Variants in EIF2S1 observed in about 807,000 individuals in gnomAD.
The protein encoded by EIF2S1 is eukaryotic translation initiation factor 2 subunit 1.
In EIF2S1, 5 loss-of-function variants were observed where a neutral mutation model predicts 33.5. The observed-to-expected ratio is 0.15, with a 90% confidence interval of 0.08 to 0.31. EIF2S1 has a LOEUF of 0.31. Among genes scored for constraint, EIF2S1 ranks in the 10% least tolerant of loss-of-function variants. The pLI, the probability that EIF2S1 is intolerant of heterozygous loss-of-function variation, is 1.00. For missense variants in EIF2S1, 191 were observed against 384.6 expected, an observed-to-expected ratio of 0.50 and a Z score of 4.21; for synonymous variants, 99 against 127.5, an observed-to-expected ratio of 0.78 and a Z score of 1.51.
At chr14:67,376,400 C>CTT in intron 3 of EIF2S1, 39 bp from the exon 4 acceptor site, 1 of 1,537,650 alleles carries the variant, frequency 6.5e-7, no homozygotes, top group Non-Finnish European at 8.8e-7. Context: ...TTATAAATCT[C>CTT]TTATCTTTGA....
chr14:67,367,356 GA>G (rs1290100985), intron 2 of EIF2S1, among the ~76,000 whole-genome samples: 1 of 152,144 alleles, frequency 6.6e-6, no homozygotes, highest in Non-Finnish European at 1.5e-5. Context: ...TCAGCCTCCA[GA>G]GTAGCTGGGA....
chr14:67,373,543 T>A (rs1010578414), intron 2 of EIF2S1, among the ~76,000 whole-genome samples: 1 of 152,200 alleles, frequency 6.6e-6, no homozygotes, highest in Admixed American at 6.5e-5. Flanking sequence ...CATGCTGTCC[T>A]CCAGTATTGA....
At chr14:67,367,701 G>A (rs150780464) in intron 2 of EIF2S1, among the ~76,000 whole-genome samples, 219 of 152,232 alleles carry the variant, frequency 1.4e-3, no homozygotes, top group African/African-American at 5.0e-3. Flanking sequence ...GCTGGGCGTG[G>A]TGGTGCACCC....
At chr14:67,363,275 A>G (rs1160634726) in intron 1 of EIF2S1, among the ~76,000 whole-genome samples, 1 of 151,894 alleles carries the variant, frequency 6.6e-6, no homozygotes, top group African/African-American at 2.4e-5. Flanking sequence ...GGGTAAGGCC[A>G]TTGAATGTCT....
chr14:67,383,445 G>A lies in EIF2S1; in HGVS notation c.*5G>A. 6.2e-7 allele frequency: 1 copy of A among 1,612,518 alleles called. No individual in the cohort carries two copies. Among genetic ancestry groups the A allele is most frequent in the Non-Finnish European group, 8.5e-7 (1 of 1,178,924 alleles). Reference sequence around the variant, plus strand: ...GAAGCCAAAGCTGAAGATTAACTTTGTGGGAAACAGAGTCCAATTTAAGGA... The same window carrying A: ...GAAGCCAAAGCTGAAGATTAACTTTATGGGAAACAGAGTCCAATTTAAGGA... On this transcript the variant is annotated 3_prime_UTR_variant, in exon 8 of 8. Transcript: ENST00000256383.
Position 67,383,352 on chromosome 14 carries a change from C to G in EIF2S1, c.860C>G (p.Ala287Gly). The G allele has an allele frequency of 1.2e-6, 2 of 1,613,386 alleles. No homozygotes were observed. The highest frequency in any genetic ancestry group is 1.7e-6 in the Non-Finnish European group (2 of 1,179,588). ...VVTDTDETEL[A>G]RQMERLEREN... is the part of the protein sequence containing the mutation. Reference sequence around the variant, plus strand: ...ACAGATACAGATGAGACTGAACTTGCGAGGCAGATGGAGAGGCTTGAAAGA... The same window carrying G: ...ACAGATACAGATGAGACTGAACTTGGGAGGCAGATGGAGAGGCTTGAAAGA... The change falls in exon 8 of 8, where the codon GCG becomes GGG. Residue 287 changes from alanine (A) to glycine (G), a missense_variant. Transcript: ENST00000256383.
Position 67,376,548 on chromosome 14 carries a change from G to T in EIF2S1, c.431G>T (p.Arg144Ile). 6.2e-7 allele frequency: 1 copy of T among 1,614,062 alleles called. No homozygotes were observed. The highest frequency in any genetic ancestry group is 8.5e-7 in the Non-Finnish European group (1 of 1,180,002). The part of the protein sequence containing the change: ...TAWVFDDKYK[R>I]PGYGAYDAFK... Reference sequence around the variant, plus strand: ...TGGGTCTTTGATGACAAGTACAAGAGACCTGGATATGGTGCCTATGATGCA... The same window carrying T: ...TGGGTCTTTGATGACAAGTACAAGATACCTGGATATGGTGCCTATGATGCA... The change falls in exon 4 of 8, where the codon AGA (arginine) becomes ATA (isoleucine). Residue 144 changes from arginine to isoleucine, a missense_variant. Physicochemically the swap from Arg to Ile is moderately conservative, Grantham distance 97. Transcript: ENST00000256383.
At chr14:67,366,080 A>C (rs1021051834) in intron 2 of EIF2S1, among the ~76,000 whole-genome samples, 2 of 148,920 alleles carry the variant, frequency 1.3e-5, no homozygotes, top group Non-Finnish European at 3.0e-5. Flanking sequence ...CTAATCTTGT[A>C]CTTTTTTTTT....
chr14:67,360,865 A>C (rs1202642434), intron 1 of EIF2S1: 1 of 152,146 alleles, frequency 6.6e-6, no homozygotes, highest in African/African-American at 2.4e-5. Context: ...CCGCCCCAAC[A>C]GCTCTACCAA....
At chr14:67,363,136 G>C (rs2085753364) in intron 1 of EIF2S1, among the ~76,000 whole-genome samples, 1 of 151,932 alleles carries the variant, frequency 6.6e-6, no homozygotes, top group Admixed American at 6.6e-5. Context: ...TTATTTTTAT[G>C]CCCAATTTGA....
At chr14:67,371,438 A>G (rs1595646437) in intron 2 of EIF2S1, among the ~76,000 whole-genome samples, 1 of 152,126 alleles carries the variant, frequency 6.6e-6, no homozygotes, top group African/African-American at 2.4e-5. Flanking sequence ...AAAAAAAGTT[A>G]AGGAGGCGGG....
In EIF2S1 at chr14:67,369,881, C is replaced by T. The variant is rs527322457; in HGVS notation, c.242-4587C>T. 1.2e-4 allele frequency among the ~76,000 whole-genome samples: 18 copies of T among 152,180 alleles called. No homozygotes were observed. The East Asian group carries it at 1.5e-3, about 13-fold the overall frequency. On this transcript the variant is annotated intron_variant, in intron 2 of 7. Coordinates refer to ENST00000256383, the MANE Select transcript of EIF2S1 (RefSeq NM_004094.5). ...TGTTGGGGAGACCCTAACCCAGAGG[C>T]GCTAGAGGAATTAAAGACACACACA...
chr14:67,371,594 C>T (rs934149905), intron 2 of EIF2S1, among the ~76,000 whole-genome samples: 2 of 152,104 alleles, frequency 1.3e-5, no homozygotes, highest in African/African-American at 4.8e-5. Context: ...CTCTATTATT[C>T]CTAGGCTACA....
chr14:67,367,733 G>A (rs1027695422), intron 2 of EIF2S1, among the ~76,000 whole-genome samples: 3 of 151,998 alleles, frequency 2.0e-5, no homozygotes, highest in Non-Finnish European at 4.4e-5. Context: ...CTTCTCGGGC[G>A]GCTGAGGTAG....
chr14:67,374,586 G>C (rs1165960210), intron 3 of EIF2S1, 39 bp downstream of exon 3: 1 of 1,337,276 alleles, frequency 7.5e-7, no homozygotes, highest in Non-Finnish European at 1.1e-6. Flanking sequence ...CACTATCTGT[G>C]TGTTTAATAA....
In EIF2S1 at chr14:67,382,469, G is replaced by A. The variant is rs755300499; in HGVS notation, c.701G>A (p.Arg234Gln). ...PIKINLIAPP[R>Q]YVMTTTTLER... Reference sequence around the variant, plus strand: ...TAGATTAATCTAATAGCTCCTCCTCGGTATGTAATGACTACGACAACCCTG... The same window carrying A: ...TAGATTAATCTAATAGCTCCTCCTCAGTATGTAATGACTACGACAACCCTG... The change falls in exon 7 of 8, where the codon CGG becomes CAG. Residue 234 changes from arginine (R) to glutamine (Q), a missense_variant. Transcript: ENST00000256383. 2.2e-5 allele frequency: 36 copies of A among 1,613,020 alleles called. No homozygotes were observed. The highest frequency in any genetic ancestry group is 2.8e-5 in the Non-Finnish European group (33 of 1,179,506).
chr14:67,377,482 A>AT (rs776881403), intron 4 of EIF2S1, among the ~76,000 whole-genome samples: 5 of 152,080 alleles, frequency 3.3e-5, no homozygotes, highest in Admixed American at 1.3e-4. Flanking sequence ...TACCTATTTT[A>AT]TTTTATAAAG....
chr14:67,368,505 A>T (rs968060275), intron 2 of EIF2S1, among the ~76,000 whole-genome samples: 35 of 152,160 alleles, frequency 2.3e-4, no homozygotes, highest in Non-Finnish European at 7.3e-5. Context: ...AATAAAATAT[A>T]TAGTTAATAC....
chr14:67,370,440 T>A lies in EIF2S1; in HGVS notation c.242-4028T>A, dbSNP rs146580461. On this transcript the variant is annotated intron_variant, in intron 2 of 7. Coordinates refer to ENST00000256383, the MANE Select transcript of EIF2S1 (RefSeq NM_004094.5). ...GTTAAAAACTTGTTTTTTGTTTTTT[T>A]AAAAAAGAGCAAAATTGATAAACCC... 4.5e-4 allele frequency among the ~76,000 whole-genome samples: 69 copies of A among 152,204 alleles called. No homozygotes were observed. The East Asian group carries it at 4.6e-3, about 10-fold the overall frequency.
Sources: allele counts gnomAD v4.1 joint callset (sites outside exome capture counted in the v4.1 genomes callset), GRCh38; gene constraint gnomAD v4.1.1; transcripts MANE v1.5; gene names NCBI Gene and HGNC (gene_info 2026-07-23, HGNC 2026-07-21).